Variants in COA8 observed in about 807,000 individuals in gnomAD.
The protein encoded by COA8 is cytochrome c oxidase assembly factor 8, also known as UPF0671 protein C14orf153.
In COA8, 20 loss-of-function variants were observed where a neutral mutation model predicts 22.0. That is an observed-to-expected ratio of 0.91 (90% CI 0.64 to 1.32). The LOEUF (loss-of-function observed/expected upper bound fraction) is 1.32, where lower values mean the gene tolerates loss of function less well. Among genes scored for constraint, COA8 ranks in the 40% most tolerant of loss-of-function variants. COA8 has a pLI of 0.00. For synonymous variants in COA8, 105 were observed against 79.9 expected (o/e 1.31, Z -1.68); for missense variants, 266 against 230.0 (o/e 1.16, Z -1.01).
chr14:103,576,565 G>A (rs2076231908), intron 3 of COA8, among the ~76,000 whole-genome samples: 1 of 152,196 alleles, frequency 6.6e-6, no homozygotes, highest in Non-Finnish European at 1.5e-5. Flanking sequence ...CCAGAGGCGG[G>A]TGGAGCTGGC....
intron 1 of COA8, among the ~76,000 whole-genome samples, chr14:103,568,577 GTGTATA>G (rs1018057713): frequency 1.8e-4 from 15 of 84,374 alleles, no homozygotes; most frequent in African/African-American, 6.2e-4. Flanking sequence ...ATACGTGTGT[GTGTATA>G]TATATATATA....
intron 4 of COA8, among the ~76,000 whole-genome samples, 171 bp from the exon 5 acceptor site, chr14:103,590,007 TGAG>T (rs1456660345): frequency 6.6e-6 from 1 of 151,934 alleles, no homozygotes; most frequent in African/African-American, 2.4e-5. Flanking sequence ...ACTCTCAGCC[TGAG>T]GAGAGGCAGG....
intron 3 of COA8, among the ~76,000 whole-genome samples, chr14:103,585,879 CTTTTTTGTTG>C (rs1370990033): frequency 1.2e-4 from 18 of 149,206 alleles, no homozygotes; most frequent in Middle Eastern, 3.6e-3. Context: ...CGGCCCGGCC[CTTTTTTGTTG>C]TTTTTTGTTT....
At chr14:103,563,986 C>T (rs2076114515) in intron 1 of COA8, among the ~76,000 whole-genome samples, 1 of 152,112 alleles carries the variant, frequency 6.6e-6, no homozygotes, top group Admixed American at 6.5e-5. Flanking sequence ...TGAAACGTCT[C>T]TGCTAAAAAT....
At position 103,581,140 on chromosome 14, in the gene COA8, T is replaced by C. The variant is rs1392017230; in HGVS notation, c.386-6134T>C. On this transcript the variant is annotated intron_variant, in intron 3 of 4. Coordinates refer to ENST00000409074, the MANE Select transcript of COA8 (RefSeq NM_001370595.2). This position sits in a 1 kb window ranked among gnomAD's most constrained non-coding sequence, Gnocchi z 4.1. ...TATAAAGGATTTGAGCATCCTGAAA[T>C]GTTGGTATCTGTAGGAGTCCTGGAA... is the stretch of plus-strand genomic sequence containing the variant. Among the ~76,000 whole-genome samples, 1 of 152,104 alleles carries C rather than the reference T, an allele frequency of 6.6e-6. No homozygotes were observed. Among genetic ancestry groups the C allele is most frequent in the Non-Finnish European group, 1.5e-5 (1 of 68,020 alleles).
At chr14:103,574,998 G>A (rs1264567502) in intron 3 of COA8, among the ~76,000 whole-genome samples, 1 of 152,274 alleles carries the variant, frequency 6.6e-6, no homozygotes, top group African/African-American at 2.4e-5. Flanking sequence ...GGCTTCACCA[G>A]AATTGCACAG....
chr14:103,574,102 T>TG lies in COA8; in HGVS notation c.322-5_322-4insG. 6.5e-7 allele frequency: 1 copy of TG among 1,530,486 alleles called. No homozygotes were observed. The allele number at this position is 1,530,486 out of a possible 1,614,324, so 94.8% of individuals were successfully genotyped here. A position where few individuals can be genotyped will look rare whatever the true frequency, so the allele number is the denominator to read the frequency against. On this transcript the variant is annotated splice_region_variant and splice_polypyrimidine_tract_variant and intron_variant, in intron 2 of 4. Coordinates refer to ENST00000409074, the MANE Select transcript of COA8 (RefSeq NM_001370595.2). ...CCTTTTTTTTTTTTTTTTTTTTTTTTTAAGGAAAAAGAAGAATTTATTCAC... is the reference window on the plus strand; with the variant it reads ...CCTTTTTTTTTTTTTTTTTTTTTTTTGTAAGGAAAAAGAAGAATTTATTCAC...
At chr14:103,569,656 C>A (rs1004275008) in intron 1 of COA8, among the ~76,000 whole-genome samples, 1 of 152,202 alleles carries the variant, frequency 6.6e-6, no homozygotes, top group African/African-American at 2.4e-5. Flanking sequence ...AAGGAGTCGC[C>A]GTCCTGGGCC....
At chr14:103,575,214 GTCA>G (rs2076222191) in intron 3 of COA8, among the ~76,000 whole-genome samples, 1 of 152,276 alleles carries the variant, frequency 6.6e-6, no homozygotes, top group African/African-American at 2.4e-5. Flanking sequence ...CCATAGGTCT[GTCA>G]TCATATCAGG....
chr14:103,576,782 G>A (rs960169609), intron 3 of COA8, among the ~76,000 whole-genome samples: 13 of 152,208 alleles, frequency 8.5e-5, no homozygotes, highest in Non-Finnish European at 1.5e-4. Flanking sequence ...GGAGGTGCCC[G>A]GATTAGCTGA....
At chr14:103,585,323 C>CA (rs2076297865) in intron 3 of COA8, among the ~76,000 whole-genome samples, 2 of 149,074 alleles carry the variant, frequency 1.3e-5, no homozygotes, top group African/African-American at 2.5e-5. Context: ...ACTAAAACTA[C>CA]AAAAAATTAG....
intron 3 of COA8, among the ~76,000 whole-genome samples, chr14:103,577,385 T>C (rs2076237115): frequency 6.6e-6 from 1 of 151,064 alleles, no homozygotes; most frequent in African/African-American, 2.4e-5. Context: ...CTACAGTGCA[T>C]ATGCAACAAG....
At chr14:103,589,980 C>T (rs1002154851) in intron 4 of COA8, among the ~76,000 whole-genome samples, 7 of 151,684 alleles carry the variant, frequency 4.6e-5, no homozygotes, top group South Asian at 2.1e-4. Context: ...GGACTCCAGG[C>T]GTCGCCAGTG....
chr14:103,572,063 C>T (rs2076192111), intron 2 of COA8, among the ~76,000 whole-genome samples: 1 of 151,338 alleles, frequency 6.6e-6, no homozygotes, highest in South Asian at 2.1e-4. Context: ...GGAGGCAGAG[C>T]TTGCAGTGAG....
At chr14:103,563,207 C>T (rs959448673) in intron 1 of COA8, 83 bp downstream of exon 1, 20 of 1,497,918 alleles carry the variant, frequency 1.3e-5, no homozygotes, top group Admixed American at 3.9e-5. Flanking sequence ...ACTCCCTGTT[C>T]TGCACAGCCG....
intron 4 of COA8, among the ~76,000 whole-genome samples, chr14:103,587,634 A>G (rs921978049): frequency 3.3e-5 from 5 of 150,168 alleles, no homozygotes; most frequent in African/African-American, 1.2e-4. Context: ...CAGCCTCCCG[A>G]GTAGCTGGGA....
At chr14:103,579,100 G>T (rs1021015313) in intron 3 of COA8, among the ~76,000 whole-genome samples, 2 of 152,112 alleles carry the variant, frequency 1.3e-5, no homozygotes, top group Non-Finnish European at 2.9e-5. Context: ...TCTGAGTACG[G>T]ACACAGTTTT....
chr14:103,568,526 CAT>C (rs1192602567), intron 1 of COA8, among the ~76,000 whole-genome samples: 7 of 151,080 alleles, frequency 4.6e-5, no homozygotes, highest in African/African-American at 7.3e-5. Context: ...TATACACACA[CAT>C]ACACATATAC....
At chr14:103,563,356 C>G in intron 1 of COA8, 1 of 698,034 alleles carries the variant, frequency 1.4e-6, no homozygotes, top group Non-Finnish European at 2.6e-6. Flanking sequence ...CAGCCAGAAC[C>G]TTTAAGCGTA....
Sources: gnomAD v4.1 joint callset for allele counts (sites outside exome capture counted in the v4.1 genomes callset) on GRCh38, gnomAD v4.1.1 for gene constraint, Gnocchi (gnomAD v3.1) non-coding constraint, MANE v1.5 for transcripts, NCBI Gene and HGNC (gene_info 2026-07-23, HGNC 2026-07-21) for gene names.